Variants in KIAA1217 observed in about 807,000 individuals in gnomAD.
KIAA1217 encodes KIAA1217, also known as sickle tail protein homolog.
KIAA1217 carries 88 observed loss-of-function variants against 163.9 expected under a neutral mutation model. That is an observed-to-expected ratio of 0.54 (90% CI 0.45 to 0.64). The LOEUF (loss-of-function observed/expected upper bound fraction) is 0.64, where lower values mean the gene tolerates loss of function less well. Ranked by LOEUF, KIAA1217 falls within the 30% of genes least tolerant of loss-of-function variation. KIAA1217 has a pLI of 0.00. For synonymous variants in KIAA1217, 903 were observed against 923.1 expected (o/e 0.98, Z 0.39); for missense variants, 2,372 against 2,475.0 (o/e 0.96, Z 0.88).
intron 2 of KIAA1217, among the ~76,000 whole-genome samples, chr10:24,026,088 T>G (rs1044258732): frequency 2.6e-5 from 4 of 151,898 alleles, no homozygotes; most frequent in African/African-American, 9.7e-5. Flanking sequence ...TTTTCAAATG[T>G]TAGAGCAACT....
intron 2 of KIAA1217, among the ~76,000 whole-genome samples, chr10:24,244,015 C>T (rs1427515417): frequency 6.6e-6 from 1 of 152,288 alleles, no homozygotes; most frequent in Non-Finnish European, 1.5e-5. Flanking sequence ...AGTCTCCTGC[C>T]TGGATTCGGA....
rs1400795321 is a variant in KIAA1217, at chr10:24,381,035, G to C, written c.521G>C (p.Arg174Thr). ...SRTRASLPVV[R>T]STNQTKERSL... ...ACTCGTGCGAGCCTTCCTGTGGTGA[G>C]GTCAACCAACCAGACGAAAGAAAGA... is the stretch of plus-strand genomic sequence containing the variant. The change falls in exon 3 of 21, where the codon AGG becomes ACG. Residue 174 changes from arginine to threonine, a missense_variant. Physicochemically the swap from Arg to Thr is moderately conservative, Grantham distance 71. Coordinates refer to ENST00000376454, the MANE Select transcript of KIAA1217 (RefSeq NM_019590.5). 1 of 1,590,708 alleles carries C rather than the reference G, an allele frequency of 6.3e-7. No individual in the cohort carries two copies. Among genetic ancestry groups the C allele is most frequent in the Non-Finnish European group, 8.6e-7 (1 of 1,167,148 alleles).
At chr10:23,969,147 A>G (rs1845195453) in intron 1 of KIAA1217, among the ~76,000 whole-genome samples, 3 of 151,870 alleles carry the variant, frequency 2.0e-5, no homozygotes, top group South Asian at 2.1e-4. Flanking sequence ...CGATTCCCCC[A>G]CCTCAGCCTC....
At position 23,797,599 on chromosome 10, in the gene KIAA1217, C is replaced by T. The variant is rs985548251; in HGVS notation, c.-321+102365C>T. On this transcript the variant is annotated intron_variant, in intron 1 of 18. Transcript: ENST00000376462. ...GGCCTCAGGAAACTTACAATCATGG[C>T]GGAAGGTGAAGAGGAAGCAAGCACG... Among the ~76,000 whole-genome samples the T allele has an allele frequency of 6.6e-5, 10 of 152,102 alleles. No individual in the cohort carries two copies. The East Asian group carries it at 9.7e-4, about 15-fold the overall frequency.
In KIAA1217 at chr10:24,346,503, G is replaced by A. The variant is rs537905747; in HGVS notation, c.355-34366G>A. Among the ~76,000 whole-genome samples the A allele has an allele frequency of 3.3e-5, 5 of 149,528 alleles. No individual in the cohort carries two copies. The South Asian group carries it at 1.1e-3, about 32-fold the overall frequency. On this transcript the variant is annotated intron_variant, in intron 2 of 20. Coordinates refer to ENST00000376454, the MANE Select transcript of KIAA1217 (RefSeq NM_019590.5). The stretch of plus-strand genomic sequence containing the variant: ...TAATAATAATAATATTTCTTTGTAT[G>A]TCTATACATTTTGTTTATTCATTCA...
chr10:24,163,625 A>AG lies in KIAA1217; in HGVS notation c.-170-56001_-170-56000insG, dbSNP rs753740918. ...GTACGCCTCACAATAACATACTGTT[A>AG]TTTGCATGATGCTTTAAAGTGTAGT... On this transcript the variant is annotated intron_variant, in intron 2 of 18. Transcript: ENST00000376462. 7.3e-4 allele frequency among the ~76,000 whole-genome samples: 111 copies of AG among 152,348 alleles called. 2 individuals carry two copies. In the East Asian group the frequency reaches 0.014, roughly 20 times the overall value.
intron 6 of KIAA1217, among the ~76,000 whole-genome samples, chr10:24,484,774 T>G (rs560596229): frequency 1.2e-4 from 19 of 152,262 alleles, no homozygotes; most frequent in African/African-American, 4.6e-4. Flanking sequence ...ATTAGATCAC[T>G]TTGTGTACTG....
At chr10:23,869,337 G>A (rs972282071) in intron 1 of KIAA1217, among the ~76,000 whole-genome samples, 2 of 151,778 alleles carry the variant, frequency 1.3e-5, no homozygotes, top group South Asian at 2.1e-4. Context: ...TTAGGTCTCC[G>A]CTGAAATAAA....
At chr10:23,884,825 T>G (rs1841102194) in intron 1 of KIAA1217, among the ~76,000 whole-genome samples, 1 of 151,944 alleles carries the variant, frequency 6.6e-6, no homozygotes, top group Admixed American at 6.6e-5. Flanking sequence ...GCTTACTAGT[T>G]TCCTGTTCTT....
At chr10:24,450,539 C>T (rs2132271402) in intron 5 of KIAA1217, among the ~76,000 whole-genome samples, 1 of 152,260 alleles carries the variant, frequency 6.6e-6, no homozygotes. Flanking sequence ...AGAGCAATGT[C>T]CTTTTAAATC....
At chr10:24,114,823 G>A (rs558292202) in intron 2 of KIAA1217, among the ~76,000 whole-genome samples, 15 of 152,214 alleles carry the variant, frequency 9.9e-5, no homozygotes, top group Admixed American at 4.6e-4. Flanking sequence ...CAAGAGCCTC[G>A]CACCATCTGG....
chr10:24,143,046 C>A (rs116203926), intron 2 of KIAA1217, among the ~76,000 whole-genome samples: 8 of 152,216 alleles, frequency 5.3e-5, no homozygotes, highest in African/African-American at 1.4e-4. Context: ...GGTTGTCTCA[C>A]GTAGATTCTT....
chr10:23,710,060 G>A (rs527707348), intron 1 of KIAA1217, among the ~76,000 whole-genome samples: 23 of 152,272 alleles, frequency 1.5e-4, no homozygotes, highest in African/African-American at 5.5e-4. Context: ...GATGGATAAC[G>A]GATGCAAAGT....
At chr10:23,861,319 G>C (rs1184155282) in intron 1 of KIAA1217, among the ~76,000 whole-genome samples, 1 of 152,166 alleles carries the variant, frequency 6.6e-6, no homozygotes, top group African/African-American at 2.4e-5. Flanking sequence ...AGTGAATTTG[G>C]AATGAATGAT....
At chr10:24,419,728 C>G (rs918286624) in intron 3 of KIAA1217, among the ~76,000 whole-genome samples, 3 of 152,102 alleles carry the variant, frequency 2.0e-5, no homozygotes, top group African/African-American at 7.2e-5. Context: ...CTTTCTTTCC[C>G]CATCCTTTGC....
Position 24,542,979 on chromosome 10 carries a change from A to G in KIAA1217, c.3709A>G (p.Thr1237Ala). The stretch of plus-strand genomic sequence containing the variant: ...TGCATCAAGAACATCAGAATATAAA[A>G]CTGAGATCATAATGAAGGAAAATTC... ...SDASRTSEYK[T>A]EIIMKENSIS... Residue 1237 changes from threonine (T) to alanine (A), a missense_variant, in exon 19 of 21, where the codon ACT (threonine) becomes GCT (alanine). Physicochemically the swap from Thr to Ala is moderately conservative, Grantham distance 58. Transcript: ENST00000376454. 1 of 1,613,758 alleles carries G rather than the reference A, an allele frequency of 6.2e-7. No homozygotes were observed. The highest frequency in any genetic ancestry group is 8.5e-7 in the Non-Finnish European group (1 of 1,179,668).
intron 2 of KIAA1217, among the ~76,000 whole-genome samples, chr10:24,322,031 C>T (rs1411201922): frequency 6.6e-6 from 1 of 152,160 alleles, no homozygotes; most frequent in Non-Finnish European, 1.5e-5. Flanking sequence ...TCACTGCAAT[C>T]TCCACCTCCC....
chr10:24,544,199 G>A lies in KIAA1217; in HGVS notation c.4929G>A (p.Gln1643=). Reference sequence around the variant, plus strand: ...AAAACACAGTGAGGAGGCAAGAGCAGCCCAGCATCGAGAGTACATCTCCGA... The same window carrying A: ...AAAACACAGTGAGGAGGCAAGAGCAACCCAGCATCGAGAGTACATCTCCGA... ...TPENTVRRQE[Q]PSIESTSPIS... Residue 1643 remains glutamine (Q), a synonymous_variant, in exon 19 of 21, where the codon CAG becomes CAA. Transcript: ENST00000376454. 2 of 1,614,070 alleles carry A rather than the reference G, an allele frequency of 1.2e-6. No individual in the cohort carries two copies. Among genetic ancestry groups the A allele is most frequent in the Admixed American group, 1.7e-5 (1 of 60,016 alleles).
chr10:24,144,602 G>T (rs1185859162), intron 2 of KIAA1217, among the ~76,000 whole-genome samples: 1 of 152,182 alleles, frequency 6.6e-6, no homozygotes, highest in African/African-American at 2.4e-5. Context: ...AGGACCACCG[G>T]CTTGAAGCAG....
Sources: gnomAD v4.1 joint callset for allele counts (sites outside exome capture counted in the v4.1 genomes callset) on GRCh38, gnomAD v4.1.1 for gene constraint, MANE v1.5 for transcripts, NCBI Gene and HGNC (gene_info 2026-07-23, HGNC 2026-07-21) for gene names.